Variants in TP63 observed in about 807,000 individuals in gnomAD.
TP63 encodes tumor protein p63.
TP63 carries 17 observed loss-of-function variants against 82.8 expected under a neutral mutation model. That is an observed-to-expected ratio of 0.21 (90% CI 0.14 to 0.31). TP63 has a LOEUF of 0.31. Ranked by LOEUF, TP63 falls within the 10% of genes least tolerant of loss-of-function variation. The pLI is 1.00. For synonymous variants in TP63, 330 were observed against 321.7 expected (o/e 1.03, Z -0.28); for missense variants, 648 against 895.3 (o/e 0.72, Z 3.52).
chr3:189,698,141 T>G (rs1447783123), intron 1 of TP63, among the ~76,000 whole-genome samples: 4 of 152,146 alleles, frequency 2.6e-5, no homozygotes, highest in Non-Finnish European at 5.9e-5. Context: ...TCCAGTTTCG[T>G]ACCATTACAC....
At chr3:189,870,841 G>C (rs1718333104) in intron 9 of TP63, among the ~76,000 whole-genome samples, 2 of 152,112 alleles carry the variant, frequency 1.3e-5, no homozygotes, top group South Asian at 4.2e-4. Context: ...CAGGAGATTT[G>C]ACCATGAACT....
At chr3:189,723,298 A>G (rs963635283) in intron 1 of TP63, among the ~76,000 whole-genome samples, 1 of 152,184 alleles carries the variant, frequency 6.6e-6, no homozygotes, top group Non-Finnish European at 1.5e-5. Flanking sequence ...GGGACTCTGA[A>G]GCCATATCCT....
chr3:189,819,444 C>A (rs1319895892), intron 4 of TP63, among the ~76,000 whole-genome samples: 1 of 152,110 alleles, frequency 6.6e-6, no homozygotes, highest in African/African-American at 2.4e-5. Flanking sequence ...TCCCTCCCCC[C>A]TTCCCTCACC....
intron 3 of TP63, among the ~76,000 whole-genome samples, chr3:189,793,412 G>A (rs763469370): frequency 9.2e-5 from 14 of 152,086 alleles, no homozygotes; most frequent in South Asian, 4.1e-4. Flanking sequence ...TTCATTATAC[G>A]TACATTTTCT....
intron 4 of TP63, among the ~76,000 whole-genome samples, chr3:189,842,117 T>C (rs1360658915): frequency 6.6e-6 from 1 of 152,144 alleles, no homozygotes; most frequent in Non-Finnish European, 1.5e-5. Flanking sequence ...GATAATGTTT[T>C]CTCTACCTTA....
chr3:189,801,159 TG>T (rs1437951352), intron 3 of TP63, among the ~76,000 whole-genome samples: 2 of 152,160 alleles, frequency 1.3e-5, no homozygotes, highest in African/African-American at 4.8e-5. Context: ...AAAGGCAGTA[TG>T]GTATGCTTAA....
intron 1 of TP63, among the ~76,000 whole-genome samples, chr3:189,663,319 T>A (rs1714089187): frequency 6.6e-6 from 1 of 152,050 alleles, no homozygotes; most frequent in Non-Finnish European, 1.5e-5. Context: ...CCATTTAAGT[T>A]CTTTTTCATC....
chr3:189,773,202 C>T (rs567935354), intron 3 of TP63, among the ~76,000 whole-genome samples: 1 of 152,330 alleles, frequency 6.6e-6, no homozygotes, highest in South Asian at 2.1e-4. Flanking sequence ...AAAGAAACTT[C>T]TACTGTACCA....
At chr3:189,741,456 G>A (rs879461421) in intron 3 of TP63, among the ~76,000 whole-genome samples, 9 of 151,150 alleles carry the variant, frequency 6.0e-5, no homozygotes, top group Admixed American at 1.3e-4. Context: ...ACGGGTGTGA[G>A]AGTCTTTTTT....
chr3:189,864,203 C>T, intron 4 of TP63, 29 bp from the exon 5 acceptor site: 1 of 1,613,952 alleles, frequency 6.2e-7, no homozygotes. Context: ...TCTCTCCTTC[C>T]TTTCTCCACT....
chr3:189,856,613 C>T (rs558932996), intron 4 of TP63, among the ~76,000 whole-genome samples: 40 of 151,870 alleles, frequency 2.6e-4, no homozygotes, highest in African/African-American at 8.7e-4. Flanking sequence ...CTATGTAGAT[C>T]GTAAGGAAGG....
intron 1 of TP63, among the ~76,000 whole-genome samples, chr3:189,674,617 A>G (rs1024247600): frequency 1.3e-5 from 2 of 152,150 alleles, no homozygotes; most frequent in Non-Finnish European, 2.9e-5. Context: ...AGCTCCATGA[A>G]TTGAAAATTA....
the TP63 span, among the ~76,000 whole-genome samples, chr3:189,607,783 A>G: frequency 6.6e-6 from 1 of 152,168 alleles, no homozygotes; most frequent in Non-Finnish European, 1.5e-5. Flanking sequence ...GTGGATAGGT[A>G]TTCTAGGATT....
chr3:189,880,795 G>T (rs1719825729), intron 10 of TP63: 1 of 985,250 alleles, frequency 1.0e-6, no homozygotes, highest in Non-Finnish European at 1.2e-6. Context: ...TTCTTTGTGA[G>T]AACTTGCATT....
At chr3:189,611,217 T>C in the TP63 span, among the ~76,000 whole-genome samples, 1 of 152,232 alleles carries the variant, frequency 6.6e-6, no homozygotes, top group Non-Finnish European at 1.5e-5. Context: ...AAACCTTTGC[T>C]CATTCCTATG....
At chr3:189,649,595 C>G (rs1394696209) in intron 1 of TP63, among the ~76,000 whole-genome samples, 2 of 146,696 alleles carry the variant, frequency 1.4e-5, no homozygotes, top group African/African-American at 2.6e-5. Flanking sequence ...ACCTATACAA[C>G]CAACTTGCAC....
At chr3:189,872,750 A>T in intron 9 of TP63, 109 bp from the exon 10 acceptor site, 1 of 1,497,008 alleles carries the variant, frequency 6.7e-7, no homozygotes, top group Non-Finnish European at 9.2e-7. Flanking sequence ...AAACGTTAGC[A>T]AATAAACAAA....
intron 1 of TP63, among the ~76,000 whole-genome samples, chr3:189,688,391 C>G (rs1716613161): frequency 6.6e-6 from 1 of 152,096 alleles, no homozygotes; most frequent in African/African-American, 2.4e-5. Context: ...TTCTTTAGTG[C>G]CTGGGGAAAG....
At chr3:189,802,141 G>A (rs1035094598) in intron 3 of TP63, among the ~76,000 whole-genome samples, 1 of 152,186 alleles carries the variant, frequency 6.6e-6, no homozygotes, top group African/African-American at 2.4e-5. Flanking sequence ...GTCTCCCTTA[G>A]GCAGTGCTTG....
Sources: gnomAD v4.1 joint callset for allele counts (sites outside exome capture counted in the v4.1 genomes callset) on GRCh38, gnomAD v4.1.1 for gene constraint, MANE v1.5 for transcripts, NCBI Gene and HGNC (gene_info 2026-07-23, HGNC 2026-07-21) for gene names.